The following LARP1B variants were observed in gnomAD, a reference collection of about 807,000 sequenced individuals.
LARP1B encodes the protein la-related protein 1B.
A neutral mutation model predicts 114.2 loss-of-function variants in LARP1B; 76 were observed. The observed-to-expected ratio is 0.67, with a 90% confidence interval of 0.55 to 0.81. LARP1B has a LOEUF of 0.81. Ranked by LOEUF, LARP1B falls within the 30% of genes least tolerant of loss-of-function variation. The probability of loss-of-function intolerance (pLI) is 0.00; values close to 1 mark genes in which losing one functional copy is unlikely to be tolerated. For missense variants in LARP1B, 1,014 were observed against 1,075.8 expected (o/e 0.94, Z 0.80); for synonymous variants, 345 against 348.0 (o/e 0.99, Z 0.10).
At chr4:128,120,552 CTCCGCCTCCAGGGTTCAAGCG>C (rs1396243141) in intron 10 of LARP1B, among the ~76,000 whole-genome samples, 1 of 151,150 alleles carries the variant, frequency 6.6e-6, no homozygotes, top group Non-Finnish European at 1.5e-5. Context: ...GGGTTCAAGC[CTCCGCCTCCAGGGTTCAAGCG>C]ATTCTCCTGT....
chr4:128,096,228 CGT>C (rs1777945368), intron 7 of LARP1B, among the ~76,000 whole-genome samples: 1 of 151,918 alleles, frequency 6.6e-6, no homozygotes, highest in African/African-American at 2.4e-5. Flanking sequence ...CTTCTGACCT[CGT>C]GATCCGCCCG....
At chr4:128,165,234 G>A (rs1043893516) in intron 12 of LARP1B, among the ~76,000 whole-genome samples, 1 of 151,694 alleles carries the variant, frequency 6.6e-6, no homozygotes, top group African/African-American at 2.4e-5. Context: ...GGTCTAGTTG[G>A]TCGGTATGAG....
chr4:128,069,509 G>A (rs1764369552), intron 1 of LARP1B: 2 of 750,058 alleles, frequency 2.7e-6, no homozygotes, highest in Admixed American at 3.5e-5. Flanking sequence ...AGATGGGGTG[G>A]GGAGCCCTGT....
chr4:128,140,847 G>T (rs993537001), intron 11 of LARP1B, among the ~76,000 whole-genome samples: 85 of 65,096 alleles, frequency 1.3e-3, no homozygotes, highest in African/African-American at 3.6e-3. Flanking sequence ...GCAGAGTCTT[G>T]CTCTGTCGCC....
rs1207264473 is a variant in LARP1B, at chr4:128,176,111, C to CAT, written c.1649-753_1649-752dup. Among the ~76,000 whole-genome samples, 39 of 142,050 alleles carry CAT rather than the reference C, an allele frequency of 2.7e-4. No homozygotes were observed. In the South Asian group the frequency reaches 5.1e-3, roughly 18 times the overall value. The allele number at this position is 142,050 out of a possible 152,430, so 93.2% of individuals were successfully genotyped here. On this transcript the variant is annotated intron_variant, in intron 12 of 19. Transcript: ENST00000326639. ...CTCTCTCGATATATATATATACACA[C>CAT]ATATATATACACATATATGTGTGTA... is the stretch of plus-strand genomic sequence containing the variant.
At chr4:128,141,232 C>T (rs1490639692) in intron 11 of LARP1B, among the ~76,000 whole-genome samples, 2 of 152,130 alleles carry the variant, frequency 1.3e-5, no homozygotes, top group Non-Finnish European at 2.9e-5. Context: ...GATCAGACGT[C>T]CATTCCAAAA....
intron 9 of LARP1B, among the ~76,000 whole-genome samples, chr4:128,109,695 G>T (rs1447664964): frequency 6.6e-6 from 1 of 151,440 alleles, no homozygotes; most frequent in South Asian, 2.1e-4. Context: ...CTGTAATGTA[G>T]TGTTTTTCTT....
At chr4:128,091,298 AT>A in intron 6 of LARP1B, 48 bp from the exon 7 acceptor site, 1 of 1,542,690 alleles carries the variant, frequency 6.5e-7, no homozygotes, top group Non-Finnish European at 8.8e-7. Context: ...CGTAGTAACT[AT>A]TTTTTTCTAA....
At chr4:128,129,164 CAAAAAAAAAAAAAAAAAAAAA>C (rs559312234) in intron 11 of LARP1B, among the ~76,000 whole-genome samples, 6 of 49,142 alleles carry the variant, frequency 1.2e-4, no homozygotes, top group Non-Finnish European at 1.7e-4. Flanking sequence ...GACTCTGTCT[CAAAAAAAAAAAAAAAAAAAAA>C]AAAAAAAAAA....
intron 12 of LARP1B, among the ~76,000 whole-genome samples, chr4:128,163,553 G>A (rs1026042766): frequency 6.6e-6 from 1 of 152,070 alleles, no homozygotes; most frequent in East Asian, 1.9e-4. Context: ...CTTTTATAAA[G>A]AGAACTTTCC....
At chr4:128,220,966 A>T (rs1484161124) in intron 7 of LARP1B, among the ~76,000 whole-genome samples, 2 of 152,230 alleles carry the variant, frequency 1.3e-5, no homozygotes, top group Non-Finnish European at 2.9e-5. Context: ...TCTTAACCAG[A>T]TTGTTCTTTA....
chr4:128,061,530 G>A (rs1029445495), intron 1 of LARP1B, 129 bp downstream of exon 1: 1 of 272,234 alleles, frequency 3.7e-6, no homozygotes, highest in African/African-American at 2.3e-5. Context: ...GTCACGCCGG[G>A]CGCTGCGCGG....
chr4:128,097,969 A>G (rs953107513), intron 7 of LARP1B, among the ~76,000 whole-genome samples: 2 of 152,138 alleles, frequency 1.3e-5, no homozygotes, highest in South Asian at 2.1e-4. Context: ...AATTTTTTGG[A>G]AAATAATATT....
chr4:128,111,504 G>C (rs1784109034), intron 9 of LARP1B, among the ~76,000 whole-genome samples: 2 of 152,140 alleles, frequency 1.3e-5, no homozygotes, highest in South Asian at 4.1e-4. Context: ...TTCAAGGCCA[G>C]CCTGGGTAAC....
At chr4:128,137,956 T>C (rs1340110752) in intron 11 of LARP1B, among the ~76,000 whole-genome samples, 1 of 151,926 alleles carries the variant, frequency 6.6e-6, no homozygotes, top group Non-Finnish European at 1.5e-5. Flanking sequence ...ACCTGGCTAA[T>C]TTTGGAATAT....
At chr4:128,185,715 C>T (rs1231650130) in intron 15 of LARP1B, among the ~76,000 whole-genome samples, 2 of 151,970 alleles carry the variant, frequency 1.3e-5, no homozygotes, top group Admixed American at 6.6e-5. Context: ...TCTATTTTTG[C>T]TTTTGTTCCT....
At chr4:128,077,587 T>A (rs1004946486) in intron 3 of LARP1B, among the ~76,000 whole-genome samples, 1 of 151,856 alleles carries the variant, frequency 6.6e-6, no homozygotes, top group Non-Finnish European at 1.5e-5. Context: ...AGGTAAAAGT[T>A]CTTTATCAAA....
At chr4:128,176,439 G>A (rs916781716) in intron 12 of LARP1B, among the ~76,000 whole-genome samples, 1 of 151,046 alleles carries the variant, frequency 6.6e-6, no homozygotes, top group African/African-American at 2.4e-5. Context: ...GATTACAGGC[G>A]CCTGCTACCA....
In LARP1B at chr4:128,068,946, A is replaced by C. The variant is rs528787152; in HGVS notation, c.-77-5514A>C. ...GCAGACTAGTTTTAACAGATAAATAATACCTGTAAGCAGACATGATTGTCC... is the reference window on the plus strand; with the variant it reads ...GCAGACTAGTTTTAACAGATAAATACTACCTGTAAGCAGACATGATTGTCC... On this transcript the variant is annotated intron_variant, in intron 1 of 19. Coordinates refer to ENST00000326639, the MANE Select transcript of LARP1B (RefSeq NM_018078.4). 1.4e-4 allele frequency: 76 copies of C among 558,284 alleles called. 1 individual carries two copies. The Admixed American group carries it at 1.8e-3, about 13-fold the overall frequency. 34.6% of individuals were successfully genotyped at this position (558,284 alleles called of 1,614,324 possible). A position where few individuals can be genotyped will look rare whatever the true frequency, so the allele number is the denominator to read the frequency against.
Sources: allele counts gnomAD v4.1 joint callset (sites outside exome capture counted in the v4.1 genomes callset), GRCh38; gene constraint gnomAD v4.1.1; transcripts MANE v1.5; gene names NCBI Gene and HGNC (gene_info 2026-07-23, HGNC 2026-07-21).